The following TEAD2 variants were observed in gnomAD, a reference collection of about 807,000 sequenced individuals.
The protein encoded by TEAD2 is transcriptional enhancer factor TEF-4.
In TEAD2, 51 loss-of-function variants were observed where a neutral mutation model predicts 61.4. The observed-to-expected ratio is 0.83, with a 90% CI of 0.66 to 1.05. The LOEUF (loss-of-function observed/expected upper bound fraction) is 1.05. Ranked by LOEUF, TEAD2 falls within the 50% of genes least tolerant of loss-of-function variation. TEAD2 has a pLI of 0.00. For synonymous variants in TEAD2, 244 were observed against 243.2 expected, an observed-to-expected ratio of 1.00 and a Z score of -0.03; for missense variants, 509 against 600.0, an observed-to-expected ratio of 0.85 and a Z score of 1.58.
chr19:49,357,090 C>T (rs1373671673), intron 4 of TEAD2, among the ~76,000 whole-genome samples, 162 bp downstream of exon 4: 2 of 145,902 alleles, frequency 1.4e-5, no homozygotes, highest in Non-Finnish European at 3.0e-5. Context: ...AAGTCTCTGT[C>T]CCCCTCTCCC....
intron 11 of TEAD2, 133 bp downstream of exon 11, chr19:49,343,098 G>T (rs201658675): frequency 1.1e-5 from 12 of 1,047,846 alleles, no homozygotes; most frequent in Non-Finnish European, 1.6e-5. Flanking sequence ...AGCTCCCAAC[G>T]CATGCATTAA....
rs1972612641 is a variant in TEAD2 at position 49,359,046 on chromosome 19, C to G, written c.297+389G>C. Among the ~76,000 whole-genome samples, 1 of 151,904 alleles carries G rather than the reference C, an allele frequency of 6.6e-6. No homozygotes were observed. On this transcript the variant is annotated intron_variant, in intron 3 of 12. Transcript: ENST00000593945. The surrounding 1 kb of genome is among the most constrained non-coding windows in gnomAD (Gnocchi z 4.1). ...CTGAGGTCAGGAGTTCGAGACCAGC[C>G]TGGACAACATGGTGAAACCCCATCT...
At chr19:49,361,205 G>GGGAC (rs1972884886) in intron 1 of TEAD2, among the ~76,000 whole-genome samples, 2 of 146,880 alleles carry the variant, frequency 1.4e-5, no homozygotes, top group Admixed American at 6.8e-5. Flanking sequence ...CCCAGAGAGG[G>GGGAC]AGACAGAGAC....
At chr19:49,350,270 C>CA (rs1361650089) in intron 8 of TEAD2, among the ~76,000 whole-genome samples, 1 of 152,078 alleles carries the variant, frequency 6.6e-6, no homozygotes, top group Non-Finnish European at 1.5e-5. Flanking sequence ...TCTGAACTGT[C>CA]AGTTACTGGA....
chr19:49,358,218 A>G (rs1290277742), intron 3 of TEAD2, among the ~76,000 whole-genome samples: 1 of 152,182 alleles, frequency 6.6e-6, no homozygotes, highest in East Asian at 1.9e-4. Context: ...TGGGCAACAG[A>G]GCGAGACTCC....
In TEAD2 at chr19:49,351,330, G is replaced by A. The variant is rs1972010581; in HGVS notation, c.575C>T (p.Ser192Leu). 6.2e-7 allele frequency: 1 copy of A among 1,612,540 alleles called. No homozygotes were observed. Among genetic ancestry groups the A allele is most frequent in the African/African-American group, 1.3e-5 (1 of 74,916 alleles). ...KPFSQTPFTL[S>L]LTPPSTDLPG... ...GAGGTCAGTAGATGGGGGAGTCAGTGACAAGGTGAACGGTGTCTGTGAGAA... is the reference window on the plus strand; with the variant it reads ...GAGGTCAGTAGATGGGGGAGTCAGTAACAAGGTGAACGGTGTCTGTGAGAA... Residue 192 changes from serine (S) to leucine (L), a missense_variant, in exon 8 of 13, where the codon TCA (serine) becomes TTA (leucine). Transcript: ENST00000593945.
In TEAD2 at chr19:49,341,755, G is replaced by C. The variant is rs561937240; in HGVS notation, c.1243-318C>G. Among the ~76,000 whole-genome samples, 1 of 152,104 alleles carries C rather than the reference G, an allele frequency of 6.6e-6. No individual in the cohort carries two copies. The highest frequency in any genetic ancestry group is 2.4e-5 in the African/African-American group (1 of 41,408). The stretch of plus-strand genomic sequence containing the variant: ...AGTAAAGGGAGAACCCTCCCTGCAG[G>C]TTCCGCGGTCAAGGGGTCTCTGCCT... On this transcript the variant is annotated intron_variant, in intron 12 of 12. Transcript: ENST00000593945. The surrounding 1 kb of genome is among the most constrained non-coding windows in gnomAD (Gnocchi z 4.2).
intron 10 of TEAD2, among the ~76,000 whole-genome samples, chr19:49,346,486 G>A (rs570516748): frequency 2.6e-5 from 4 of 152,096 alleles, no homozygotes; most frequent in Non-Finnish European, 4.4e-5. Context: ...GTGAAACCCC[G>A]TCTGTACTAA....
intron 7 of TEAD2, among the ~76,000 whole-genome samples, chr19:49,352,263 A>G (rs375051930): frequency 2.0e-5 from 3 of 152,214 alleles, no homozygotes; most frequent in East Asian, 3.8e-4. Context: ...ACCACAGACC[A>G]CGTGGCCACT....
At chr19:49,354,543 T>C (rs1972249784) in intron 7 of TEAD2, among the ~76,000 whole-genome samples, 1 of 151,376 alleles carries the variant, frequency 6.6e-6, no homozygotes. Flanking sequence ...CATCATCTTC[T>C]GGGGCCCATT....
rs751419085 is a variant in TEAD2, at chr19:49,359,829, CAGA to C, written c.232+12_232+14del. On this transcript the variant is annotated intron_variant, in intron 2 of 12. Coordinates refer to ENST00000593945, the MANE Select transcript of TEAD2 (RefSeq NM_001256660.2). This position sits in a 1 kb window ranked among gnomAD's most constrained non-coding sequence, Gnocchi z 4.1. ...CATCAGTGGGGGCCAGGGCAAAAGA[CAGA>C]AGTAGACTCACCATACATCTTGCCT... is the stretch of plus-strand genomic sequence containing the variant. 43 of 1,611,600 alleles carry C rather than the reference CAGA, an allele frequency of 2.7e-5. No individual in the cohort carries two copies. The highest frequency in any genetic ancestry group is 3.6e-5 in the Non-Finnish European group (42 of 1,179,082).
intron 1 of TEAD2, 109 bp from the exon 2 acceptor site, chr19:49,360,190 G>A (rs1034264511): frequency 1.2e-6 from 1 of 858,944 alleles, no homozygotes; most frequent in Non-Finnish European, 1.8e-6. Flanking sequence ...GGAGGGGCTG[G>A]GGACCTGGAC....
chr19:49,348,631 C>G, intron 9 of TEAD2, 72 bp downstream of exon 9: 1 of 1,371,226 alleles, frequency 7.3e-7, no homozygotes, highest in African/African-American at 1.4e-5. Context: ...AAAACCATGA[C>G]TTTATACATT....
Position 49,341,246 on chromosome 19 carries a change from A to C in TEAD2, c.*78T>G. Reference sequence around the variant, plus strand: ...TTACATCACAGCCCTCTCCCCAAATAAGAAGCATGAGGTGAGCTGGAGGAC... The same window carrying C: ...TTACATCACAGCCCTCTCCCCAAATCAGAAGCATGAGGTGAGCTGGAGGAC... On this transcript the variant is annotated 3_prime_UTR_variant, in exon 13 of 13. Coordinates refer to ENST00000593945, the MANE Select transcript of TEAD2 (RefSeq NM_001256660.2). The surrounding 1 kb of genome is among the most constrained non-coding windows in gnomAD (Gnocchi z 4.2). 1 of 1,212,770 alleles carries C rather than the reference A, an allele frequency of 8.2e-7. No individual in the cohort carries two copies. Among genetic ancestry groups the C allele is most frequent in the Non-Finnish European group, 1.2e-6 (1 of 830,906 alleles). 75.1% of individuals were successfully genotyped at this position (1,212,770 alleles called of 1,614,324 possible). A position where few individuals can be genotyped will look rare whatever the true frequency, so the allele number is the denominator to read the frequency against.
At chr19:49,351,234 G>A (rs919542252) in intron 8 of TEAD2, 67 bp downstream of exon 8, 1 of 1,455,698 alleles carries the variant, frequency 6.9e-7, no homozygotes, top group Non-Finnish European at 9.4e-7. Context: ...ATGGAAGGTT[G>A]AAGGAAAGGC....
At chr19:49,343,208 G>A in intron 11 of TEAD2, 23 bp downstream of exon 11, 1 of 1,592,906 alleles carries the variant, frequency 6.3e-7, no homozygotes, top group Non-Finnish European at 8.5e-7. Flanking sequence ...TGCTGACCCA[G>A]AGCTCCACCC....
intron 10 of TEAD2, among the ~76,000 whole-genome samples, chr19:49,345,424 C>T (rs919152078): frequency 6.6e-6 from 1 of 152,054 alleles, no homozygotes; most frequent in Non-Finnish European, 1.5e-5. Context: ...ACAATCTTGG[C>T]TCACTGCAGC....
In TEAD2 at chr19:49,343,326, C is replaced by T. The variant is rs957477299; in HGVS notation, c.994G>A (p.Gly332Arg). ...GGSISSGGFY[G>R]VSSQYESLEH... ...AGGCTCTCATACTGGCTGCTCACTCCGTAGAAGCCACCACTGCTGATGCTG... is the reference window on the plus strand; with the variant it reads ...AGGCTCTCATACTGGCTGCTCACTCTGTAGAAGCCACCACTGCTGATGCTG... The change falls in exon 11 of 13, where the codon GGA (glycine) becomes AGA (arginine). Residue 332 changes from glycine to arginine, a missense_variant. By Grantham distance (125) the Gly-to-Arg change is moderately radical (BLOSUM62 -2). Coordinates refer to ENST00000593945, the MANE Select transcript of TEAD2 (RefSeq NM_001256660.2). 1.9e-6 allele frequency: 3 copies of T among 1,613,830 alleles called. No homozygotes were observed. The highest frequency in any genetic ancestry group is 1.3e-5 in the African/African-American group (1 of 74,912).
intron 7 of TEAD2, among the ~76,000 whole-genome samples, chr19:49,351,981 C>CA (rs1274736321): frequency 2.6e-4 from 35 of 132,286 alleles, no homozygotes; most frequent in East Asian, 9.0e-4. Context: ...GACTCCATTT[C>CA]AAAAAAAAAA....
Sources: allele counts gnomAD v4.1 joint callset (sites outside exome capture counted in the v4.1 genomes callset), GRCh38; gene constraint gnomAD v4.1.1; non-coding constraint Gnocchi (gnomAD v3.1); transcripts MANE v1.5; gene names NCBI Gene and HGNC (gene_info 2026-07-23, HGNC 2026-07-21).